ITGB2: variants seen among roughly 807,000 people sequenced by gnomAD.
The protein encoded by ITGB2 is integrin beta-2.
ITGB2 carries 56 observed loss-of-function variants against 86.8 expected under a neutral mutation model. The observed-to-expected ratio is 0.65, with a 90% confidence interval of 0.52 to 0.81. The LOEUF (loss-of-function observed/expected upper bound fraction) is 0.81. Among genes scored for constraint, ITGB2 ranks in the 30% least tolerant of loss-of-function variants. The probability of loss-of-function intolerance (pLI) is 0.00; values close to 1 mark genes in which losing one functional copy is unlikely to be tolerated. For synonymous variants in ITGB2, 457 were observed against 450.4 expected (o/e 1.01, Z -0.19); for missense variants, 948 against 1,061.2 (o/e 0.89, Z 1.48).
intron 5 of ITGB2, among the ~76,000 whole-genome samples, chr21:44,902,015 T>A (rs2083967417): frequency 6.6e-6 from 1 of 152,208 alleles, no homozygotes; most frequent in Non-Finnish European, 1.5e-5. Context: ...CAGGTATACA[T>A]GTGGGCATGT....
chr21:44,903,782 C>T (rs1042106954), intron 4 of ITGB2, among the ~76,000 whole-genome samples: 7 of 152,120 alleles, frequency 4.6e-5, no homozygotes, highest in African/African-American at 1.7e-4. Flanking sequence ...ACACTGAAAC[C>T]CGCCTGGGGT....
intron 8 of ITGB2, among the ~76,000 whole-genome samples, chr21:44,898,355 C>G (rs752640850): frequency 4.6e-5 from 7 of 152,230 alleles, no homozygotes; most frequent in Non-Finnish European, 8.8e-5. Flanking sequence ...CACCTTTGAC[C>G]TTTGCTGACT....
chr21:44,901,501 G>T lies in ITGB2; in HGVS notation c.732C>A (p.Ala244=), dbSNP rs146557638. ...GGGGCAGCGGCCTCACCGGGCAGGC[G>T]GCGACCTGCATCATGGCGTCCAGCC... The part of the protein sequence containing the change: ...EGGLDAMMQV[A]ACPEEIGWRN... Residue 244 remains alanine, a synonymous_variant, in exon 6 of 16, where the codon GCC becomes GCA. Transcript: ENST00000652462. The T allele has an allele frequency of 6.2e-7, 1 of 1,614,080 alleles. No homozygotes were observed. Among genetic ancestry groups the T allele is most frequent in the Non-Finnish European group, 8.5e-7 (1 of 1,180,000 alleles).
chr21:44,907,003 GT>G lies in ITGB2; in HGVS notation c.239del (p.Asp80AlafsTer24), dbSNP rs1307126211. Reference protein sequence around the residue: ...MRGCAADDIMDPTSLAETQED... With the variant: ...MRGCAADDIMXPTSLAETQED... ...CCTGGGTTTCAGCGAGGCTTGTGGG[GT>G]CCATGATGTCGTCAGCCGCACAGCC... On this transcript the variant is annotated frameshift_variant, in exon 4 of 16. Coordinates refer to ENST00000652462, the MANE Select transcript of ITGB2 (RefSeq NM_000211.5). LOFTEE classifies it high-confidence loss of function. 6.2e-6 allele frequency: 10 copies of G among 1,614,060 alleles called. No individual in the cohort carries two copies. Among genetic ancestry groups the G allele is most frequent in the Non-Finnish European group, 8.5e-6 (10 of 1,180,026 alleles).
intron 1 of ITGB2, among the ~76,000 whole-genome samples, chr21:44,915,473 C>T (rs954653033): frequency 6.6e-6 from 1 of 152,164 alleles, no homozygotes; most frequent in African/African-American, 2.4e-5. Flanking sequence ...GAGGCACTCG[C>T]ATCAAAGTGA....
intron 4 of ITGB2, among the ~76,000 whole-genome samples, chr21:44,903,902 T>C (rs1314126436): frequency 6.6e-6 from 1 of 152,042 alleles, no homozygotes; most frequent in Non-Finnish European, 1.5e-5. Flanking sequence ...ACGGGCGCCC[T>C]CATCAGCAGC....
intron 4 of ITGB2, among the ~76,000 whole-genome samples, chr21:44,905,529 C>G (rs557182363): frequency 6.6e-6 from 1 of 152,230 alleles, no homozygotes; most frequent in Admixed American, 6.5e-5. Flanking sequence ...TGGCCACAGG[C>G]AACACCTCTG....
intron 12 of ITGB2, 112 bp downstream of exon 12, chr21:44,889,866 T>C: frequency 1.0e-5 from 15 of 1,475,752 alleles, no homozygotes; most frequent in Non-Finnish European, 1.4e-5. Context: ...GCACTGTCTG[T>C]CCTCAGGATC....
rs763488273 is a variant in ITGB2, at chr21:44,891,789, G to A, written c.1412+20C>T. On this transcript the variant is annotated intron_variant, in intron 11 of 15. Transcript: ENST00000652462. ...GGTGGGGCTCGGGGATGGTTCAACAGGGACCTGCGCCCGCCTCACCTGCAG... is the reference window on the plus strand; with the variant it reads ...GGTGGGGCTCGGGGATGGTTCAACAAGGACCTGCGCCCGCCTCACCTGCAG... 8.1e-6 allele frequency: 13 copies of A among 1,600,334 alleles called. No individual in the cohort carries two copies. Among genetic ancestry groups the A allele is most frequent in the Non-Finnish European group, 1.0e-5 (12 of 1,179,748 alleles).
chr21:44,891,973 C>T lies in ITGB2; in HGVS notation c.1248G>A (p.Thr416=), dbSNP rs367812893. 10 of 1,612,856 alleles carry T rather than the reference C, an allele frequency of 6.2e-6. No homozygotes were observed. The highest frequency in any genetic ancestry group is 4.5e-5 in the East Asian group (2 of 44,894). The change falls in exon 11 of 16, where the codon ACG becomes ACA. Residue 416 remains threonine, a synonymous_variant. Coordinates refer to ENST00000652462, the MANE Select transcript of ITGB2 (RefSeq NM_000211.5). ...ACTGCTCCTGGATGCACTCTGTGGCCGTGACCTTCACCTGGAAGGTGATCT... is the reference window on the plus strand; with the variant it reads ...ACTGCTCCTGGATGCACTCTGTGGCTGTGACCTTCACCTGGAAGGTGATCT... The part of the protein sequence containing the change: ...NVPITFQVKV[T]ATECIQEQSF...
At position 44,901,467 on chromosome 21, in the gene ITGB2, A is replaced by G. The variant is rs752921506; in HGVS notation, c.741+25T>C. The G allele has an allele frequency of 7.4e-6, 12 of 1,612,008 alleles. No homozygotes were observed. The East Asian group carries it at 2.5e-4, about 33-fold the overall frequency. Reference sequence around the variant, plus strand: ...CCCCCCACACTGGGGGAACGTGGGGACCCAAGCAGGGGCAGCGGCCTCACC... The same window carrying G: ...CCCCCCACACTGGGGGAACGTGGGGGCCCAAGCAGGGGCAGCGGCCTCACC... On this transcript the variant is annotated intron_variant, in intron 6 of 15. Transcript: ENST00000652462.
Position 44,891,615 on chromosome 21 carries a change from C to T in ITGB2, c.1412+194G>A, listed in dbSNP as rs563761961. Among the ~76,000 whole-genome samples, 28 of 152,296 alleles carry T rather than the reference C, an allele frequency of 1.8e-4. No homozygotes were observed. In the South Asian group the frequency reaches 3.5e-3, roughly 19 times the overall value. On this transcript the variant is annotated intron_variant, in intron 11 of 15. Coordinates refer to ENST00000652462, the MANE Select transcript of ITGB2 (RefSeq NM_000211.5). ...TTGCTGGTGCCCTGGCTCAGGAGCA[C>T]GGGTGAGGGCTTGCCGAGGGGTTCT...
intron 1 of ITGB2, among the ~76,000 whole-genome samples, chr21:44,926,139 T>A (rs2876999): frequency 0.52 from 77,731 of 150,712 alleles, 22,149 homozygotes; most frequent in African/African-American, 0.78. Flanking sequence ...ATAAATTAAT[T>A]AATTAATTAA....
At chr21:44,918,443 A>G (rs1009240411) in intron 1 of ITGB2, among the ~76,000 whole-genome samples, 3 of 152,206 alleles carry the variant, frequency 2.0e-5, no homozygotes, top group Admixed American at 6.5e-5. Flanking sequence ...GCCCTGGGGA[A>G]GTGAGTTCAA....
Position 44,892,604 on chromosome 21 carries a change from CAAA to C in ITGB2, c.1225-611_1225-609del, listed in dbSNP as rs11327948. 6.4e-3 allele frequency among the ~76,000 whole-genome samples: 456 copies of C among 71,120 alleles called. 2 individuals are homozygous for C. The highest frequency in any genetic ancestry group is 0.023 in the African/African-American group (411 of 18,250). 46.7% of individuals were successfully genotyped at this position (71,120 alleles called of 152,430 possible). On this transcript the variant is annotated intron_variant, in intron 10 of 15. Coordinates refer to ENST00000652462, the MANE Select transcript of ITGB2 (RefSeq NM_000211.5). ...TGGGCGACAGAGCGAAACTCCATCT[CAAA>C]AAAAAAAAAAAAAAAAAAAATCCAC...
intron 4 of ITGB2, among the ~76,000 whole-genome samples, chr21:44,905,574 G>A (rs1239830107): frequency 1.3e-5 from 2 of 152,224 alleles, no homozygotes; most frequent in Non-Finnish European, 1.5e-5. Context: ...AGTGGGGCGT[G>A]GGGAAAATAC....
intron 6 of ITGB2, 43 bp from the exon 7 acceptor site, chr21:44,900,518 C>T: frequency 6.2e-7 from 1 of 1,610,564 alleles, no homozygotes; most frequent in African/African-American, 1.3e-5. Flanking sequence ...GCCTCAGTTT[C>T]CCAGACCCGG....
rs565686118 is a variant in ITGB2 at position 44,920,097 on chromosome 21, G to A, written c.-4+724C>T. ...CAAGACGTCACCCAGGGGTCCCCAC[G>A]GAGGAGGCAGGGAAGCTCGAGGGTC... On this transcript the variant is annotated intron_variant, in intron 1 of 15. Transcript: ENST00000652462. 1.2e-4 allele frequency among the ~76,000 whole-genome samples: 19 copies of A among 152,242 alleles called. No homozygotes were observed. In the East Asian group the frequency reaches 1.7e-3, roughly 14 times the overall value.
At chr21:44,900,821 C>T (rs923832139) in intron 6 of ITGB2, among the ~76,000 whole-genome samples, 1 of 152,230 alleles carries the variant, frequency 6.6e-6, no homozygotes, top group Non-Finnish European at 1.5e-5. Flanking sequence ...GGGCCACACG[C>T]AGAACGAGTG....
Sources: allele counts gnomAD v4.1 joint callset (sites outside exome capture counted in the v4.1 genomes callset), GRCh38; gene constraint gnomAD v4.1.1; transcripts MANE v1.5; gene names NCBI Gene and HGNC (gene_info 2026-07-23, HGNC 2026-07-21).